Variants in NIPSNAP3A observed in about 807,000 individuals in gnomAD.
NIPSNAP3A encodes the protein nipsnap homolog 3A, also known as protein NipSnap homolog 3A.
A neutral mutation model predicts 32.3 loss-of-function variants in NIPSNAP3A; 27 were observed. The ratio of observed to expected loss-of-function variants is 0.84; its 90% confidence interval spans 0.62 to 1.15. The LOEUF (loss-of-function observed/expected upper bound fraction) is 1.15. NIPSNAP3A is among the 50% of genes most tolerant of loss of function. The pLI is 0.00. For missense variants in NIPSNAP3A, 278 were observed against 297.2 expected, an observed-to-expected ratio of 0.94 and a Z score of 0.48; for synonymous variants, 108 against 107.3, an observed-to-expected ratio of 1.01 and a Z score of -0.04.
chr9:104,758,035 A>G (rs1310445611), intron 4 of NIPSNAP3A, among the ~76,000 whole-genome samples: 1 of 152,178 alleles, frequency 6.6e-6, no homozygotes, highest in Non-Finnish European at 1.5e-5. Context: ...TCTAACATGT[A>G]TATATTACAA....
At chr9:104,758,971 C>CAAAAAAAAAAA in intron 4 of NIPSNAP3A, 114 bp from the exon 5 acceptor site, 2 of 399,888 alleles carry the variant, frequency 5.0e-6, no homozygotes, top group East Asian at 6.9e-5. Context: ...ACTCTTGTTT[C>CAAAAAAAAAAA]AAAAAAAAAA....
At position 104,759,591 on chromosome 9, in the gene NIPSNAP3A, C is replaced by G. The variant is rs1433966422; in HGVS notation, c.*253C>G. The G allele has an allele frequency of 1.1e-4, 49 of 466,398 alleles. No homozygotes were observed. Among genetic ancestry groups the G allele is most frequent in the Non-Finnish European group, 1.9e-5 (5 of 256,502 alleles). 28.9% of individuals were successfully genotyped at this position (466,398 alleles called of 1,614,324 possible). On this transcript the variant is annotated 3_prime_UTR_variant, in exon 6 of 6. Transcript: ENST00000374767. The stretch of plus-strand genomic sequence containing the variant: ...ACTTGTCACTGTTTTAAGATCTTGA[C>G]TCTTCATTTGTTTCAGAATAGCTCT...
intron 2 of NIPSNAP3A, 86 bp downstream of exon 2, chr9:104,751,252 T>C: frequency 1.7e-6 from 2 of 1,196,250 alleles, no homozygotes; most frequent in Admixed American, 3.4e-5. Flanking sequence ...ACATAAAACT[T>C]AGTTCTTGGA....
rs575295104 is a variant in NIPSNAP3A at position 104,747,979 on chromosome 9, G to A, written c.60+127G>A. 7.7e-5 allele frequency: 71 copies of A among 917,854 alleles called. No individual in the cohort carries two copies. In the African/African-American group the frequency reaches 1.1e-3, roughly 14 times the overall value. The allele number at this position is 917,854 out of a possible 1,614,324, so 56.9% of individuals were successfully genotyped here. On this transcript the variant is annotated intron_variant, in intron 1 of 5. Coordinates refer to ENST00000374767, the MANE Select transcript of NIPSNAP3A (RefSeq NM_015469.3). ...CACGCGCGCCCAGACCTGGGGCCCC[G>A]GTGAGGTTCTAGCGTGAGCCCCGGA...
chr9:104,758,971 CAAAAAAAAAA>C (rs34457398), intron 4 of NIPSNAP3A, 104 bp from the exon 5 acceptor site: 5,396 of 402,560 alleles, frequency 0.013, 52 homozygotes, highest in Non-Finnish European at 0.019. Context: ...ACTCTTGTTT[CAAAAAAAAAA>C]AAAAAAAAAA....
At position 104,751,074 on chromosome 9, in the gene NIPSNAP3A, C is replaced by A. The variant is rs756644912; in HGVS notation, c.179C>A (p.Ala60Asp). ...TTCCTGGAAAATTTTGAGAAAAACGCTCATCTTCGGACAGCTCACTCTGAA... is the reference window on the plus strand; with the variant it reads ...TTCCTGGAAAATTTTGAGAAAAACGATCATCTTCGGACAGCTCACTCTGAA... ...NEFLENFEKN[A>D]HLRTAHSELV... Residue 60 changes from alanine to aspartate, a missense_variant, in exon 2 of 6, where the codon GCT (alanine) becomes GAT (aspartate). By Grantham distance (126) the Ala-to-Asp change is moderately radical. Transcript: ENST00000374767. 6.2e-7 allele frequency: 1 copy of A among 1,613,888 alleles called. No individual in the cohort carries two copies. The highest frequency in any genetic ancestry group is 1.3e-5 in the African/African-American group (1 of 74,908).
At chr9:104,755,405 C>T (rs1292536948) in intron 4 of NIPSNAP3A, among the ~76,000 whole-genome samples, 2 of 151,340 alleles carry the variant, frequency 1.3e-5, no homozygotes, top group African/African-American at 2.4e-5. Context: ...ATATGAAAAC[C>T]CCCCTCATAA....
chr9:104,757,722 C>A lies in NIPSNAP3A; in HGVS notation c.581-1363C>A, dbSNP rs191048944. ...ATTTACATAAGCATAAGCAAATATG[C>A]TTATATATGTTTATTTGTATACATA... On this transcript the variant is annotated intron_variant, in intron 4 of 5. Transcript: ENST00000374767. 2.7e-3 allele frequency among the ~76,000 whole-genome samples: 410 copies of A among 152,094 alleles called. 3 individuals carry two copies. The South Asian group carries it at 0.037, about 14-fold the overall frequency.
At chr9:104,750,629 C>A (rs1423180522) in intron 1 of NIPSNAP3A, among the ~76,000 whole-genome samples, 1 of 152,212 alleles carries the variant, frequency 6.6e-6, no homozygotes, top group African/African-American at 2.4e-5. Flanking sequence ...CTAGAGGGTA[C>A]TGAAACCCTA....
intron 5 of NIPSNAP3A, 34 bp from the exon 6 acceptor site, chr9:104,759,228 A>G: frequency 6.2e-7 from 1 of 1,613,928 alleles, no homozygotes; most frequent in Non-Finnish European, 8.5e-7. Context: ...TCAGTCAGTA[A>G]CTCTATATGC....
At position 104,759,994 on chromosome 9, in the gene NIPSNAP3A, A is replaced by C. The variant is rs1178836978; in HGVS notation, c.*656A>C. The C allele has an allele frequency of 6.6e-6, 1 of 152,176 alleles. No homozygotes were observed. The highest frequency in any genetic ancestry group is 1.5e-5 in the Non-Finnish European group (1 of 68,010). The allele number at this position is 152,176 out of a possible 1,614,324, so 9.4% of individuals were successfully genotyped here. A position where few individuals can be genotyped will look rare whatever the true frequency, so the allele number is the denominator to read the frequency against. On this transcript the variant is annotated 3_prime_UTR_variant, in exon 6 of 6. Coordinates refer to ENST00000374767, the MANE Select transcript of NIPSNAP3A (RefSeq NM_015469.3). Reference sequence around the variant, plus strand: ...TATGTGCTGAAATGTCTTTATTTATAATTAATTTTAACTACTATTTACTTC... The same window carrying C: ...TATGTGCTGAAATGTCTTTATTTATCATTAATTTTAACTACTATTTACTTC...
chr9:104,747,892 AGGGGAGGGGC>A, intron 1 of NIPSNAP3A, 40 bp downstream of exon 1: 1 of 1,400,554 alleles, frequency 7.1e-7, no homozygotes, highest in Non-Finnish European at 9.6e-7. Context: ...ACCCGACGGG[AGGGGAGGGGC>A]GGGGCGGGGA....
chr9:104,754,543 T>C lies in NIPSNAP3A; in HGVS notation c.431-8T>C, dbSNP rs769902859. 28 of 1,613,102 alleles carry C rather than the reference T, an allele frequency of 1.7e-5. No individual in the cohort carries two copies. Among genetic ancestry groups the C allele is most frequent in the Non-Finnish European group, 2.3e-5 (27 of 1,179,720 alleles). On this transcript the variant is annotated splice_region_variant and splice_polypyrimidine_tract_variant and intron_variant, in intron 3 of 5. Transcript: ENST00000374767. The stretch of plus-strand genomic sequence containing the variant: ...TTTTCTGAAAAATTCTTTTTCTCCC[T>C]ATTCCAGGAGTCTATGAACTGGCCA...
chr9:104,757,532 G>A (rs1397770938), intron 4 of NIPSNAP3A, among the ~76,000 whole-genome samples: 1 of 152,264 alleles, frequency 6.6e-6, no homozygotes, highest in East Asian at 1.9e-4. Flanking sequence ...TTCAATAAAT[G>A]TCAGTAGTTG....
At position 104,753,004 on chromosome 9, in the gene NIPSNAP3A, CAA is replaced by C. The variant is rs574369588; in HGVS notation, c.371_372del (p.Gln124ArgfsTer3). 8.5e-4 allele frequency: 1,375 copies of C among 1,612,524 alleles called. 3 individuals are homozygous for C. Among genetic ancestry groups the C allele is most frequent in the Non-Finnish European group, 9.5e-4 (1,117 of 1,178,664 alleles). On this transcript the variant is annotated frameshift_variant, in exon 3 of 6. Coordinates refer to ENST00000374767, the MANE Select transcript of NIPSNAP3A (RefSeq NM_015469.3). LOFTEE classifies it high-confidence loss of function. ...LIPNLALIDK[Q>X]ESEITYLVPW... ...TCCAAATTTGGCTCTCATTGATAAA[CAA>C]GAGAGTGAGATTACTTATCTGGTAC...
At position 104,759,649 on chromosome 9, in the gene NIPSNAP3A, G is replaced by T; in HGVS notation, c.*311G>T. 3.6e-6 allele frequency: 1 copy of T among 274,856 alleles called. No individual in the cohort carries two copies. Among genetic ancestry groups the T allele is most frequent in the Non-Finnish European group, 6.9e-6 (1 of 144,202 alleles). The allele number at this position is 274,856 out of a possible 1,614,324, so 17.0% of individuals were successfully genotyped here. On this transcript the variant is annotated 3_prime_UTR_variant, in exon 6 of 6. Transcript: ENST00000374767. ...TATTCTGACAACTCTTTGCTTTATAGCATTTTGTTGTATTCAAATGATAAT... is the reference window on the plus strand; with the variant it reads ...TATTCTGACAACTCTTTGCTTTATATCATTTTGTTGTATTCAAATGATAAT...
intron 1 of NIPSNAP3A, among the ~76,000 whole-genome samples, chr9:104,748,867 A>G (rs1827812618): frequency 6.6e-6 from 1 of 152,024 alleles, no homozygotes; most frequent in Non-Finnish European, 1.5e-5. Context: ...TGCTGGTGGG[A>G]ATGATCCCTA....
At chr9:104,758,082 A>C (rs1373477533) in intron 4 of NIPSNAP3A, among the ~76,000 whole-genome samples, 1 of 152,082 alleles carries the variant, frequency 6.6e-6, no homozygotes. Context: ...TACAAGAACA[A>C]CATTTATTCC....
intron 1 of NIPSNAP3A, among the ~76,000 whole-genome samples, chr9:104,749,711 A>G (rs781575161): frequency 2.6e-5 from 4 of 152,184 alleles, no homozygotes; most frequent in Admixed American, 6.5e-5. Flanking sequence ...ACACATAGAT[A>G]CCTACATAGA....
Sources: allele counts gnomAD v4.1 joint callset (sites outside exome capture counted in the v4.1 genomes callset), GRCh38; gene constraint gnomAD v4.1.1; transcripts MANE v1.5; gene names NCBI Gene and HGNC (gene_info 2026-07-23, HGNC 2026-07-21).